CSMD1: variants seen among roughly 807,000 people sequenced by gnomAD.
CSMD1 encodes the protein CUB and sushi domain-containing protein 1.
A neutral mutation model predicts 417.5 loss-of-function variants in CSMD1; 213 were observed. The observed-to-expected ratio is 0.51, with a 90% CI of 0.46 to 0.57. The LOEUF (loss-of-function observed/expected upper bound fraction) is 0.57. CSMD1 is among the 20% of genes least tolerant of loss of function. The probability of loss-of-function intolerance (pLI) is 0.00; values close to 1 mark genes in which losing one functional copy is unlikely to be tolerated. For missense variants in CSMD1, 6,923 were observed against 4,529.7 expected (o/e 1.53, Z -15.17); for synonymous variants, 2,862 against 1,736.8 (o/e 1.65, Z -16.11).
chr8:4,301,237 A>C (rs1450330241), intron 3 of CSMD1, among the ~76,000 whole-genome samples: 1 of 152,294 alleles, frequency 6.6e-6, no homozygotes, highest in South Asian at 2.1e-4. Context: ...CAATCTCATA[A>C]TAAGCCAACA....
intron 2 of CSMD1, among the ~76,000 whole-genome samples, chr8:4,529,070 T>C (rs1433803870): frequency 6.6e-6 from 1 of 152,162 alleles, no homozygotes; most frequent in Non-Finnish European, 1.5e-5. Context: ...ATCTGAAAAG[T>C]TGATCAGAGG....
At position 4,432,218 on chromosome 8, in the gene CSMD1, T is replaced by C. The variant is rs73658889; in HGVS notation, c.303-12153A>G. ...AAGTAAAATTGGAATTTAAAAATTT[T>C]GTCAAATGGGTTATGAGAAAACAGT... On this transcript the variant is annotated intron_variant, in intron 2 of 69. Transcript: ENST00000635120. Among the ~76,000 whole-genome samples, 328 of 152,344 alleles carry C rather than the reference T, an allele frequency of 2.2e-3. 3 individuals carry two copies. The highest frequency in any genetic ancestry group is 7.7e-3 in the African/African-American group (321 of 41,576).
chr8:3,790,881 T>A (rs1351804758), intron 5 of CSMD1, among the ~76,000 whole-genome samples: 2 of 152,180 alleles, frequency 1.3e-5, no homozygotes, highest in Non-Finnish European at 2.9e-5. Context: ...AGATGGAAAC[T>A]GTCGCTAATG....
chr8:3,898,413 T>C (rs1454127897), intron 5 of CSMD1, among the ~76,000 whole-genome samples: 1 of 152,224 alleles, frequency 6.6e-6, no homozygotes, highest in Non-Finnish European at 1.5e-5. Flanking sequence ...AGTGCCATTA[T>C]AAAGTGTTAA....
chr8:3,502,533 A>G (rs1174938572), intron 10 of CSMD1, among the ~76,000 whole-genome samples: 1 of 152,180 alleles, frequency 6.6e-6, no homozygotes, highest in Non-Finnish European at 1.5e-5. Context: ...TCAGGGCTAA[A>G]AGGAAATGAG....
chr8:3,159,249 T>C (rs746806187), intron 38 of CSMD1, among the ~76,000 whole-genome samples: 2 of 152,242 alleles, frequency 1.3e-5, no homozygotes, highest in African/African-American at 2.4e-5. Context: ...TATTCTGCTA[T>C]TGATTTTGTT....
At chr8:2,940,035 A>C (rs1017046537) in intron 69 of CSMD1, among the ~76,000 whole-genome samples, 2 of 152,094 alleles carry the variant, frequency 1.3e-5, no homozygotes, top group African/African-American at 4.8e-5. Context: ...TGAGGAAGCA[A>C]CTCCCAACAT....
intron 3 of CSMD1, among the ~76,000 whole-genome samples, chr8:4,243,120 T>C (rs1402401213): frequency 6.6e-6 from 1 of 151,936 alleles, no homozygotes. Context: ...CTGTGGAAAA[T>C]CAGACAAATT....
intron 3 of CSMD1, among the ~76,000 whole-genome samples, chr8:4,127,778 A>G (rs960233851): frequency 6.6e-6 from 1 of 152,200 alleles, no homozygotes; most frequent in African/African-American, 2.4e-5. Flanking sequence ...TGTCTCATTT[A>G]ATCTTTACTC....
At chr8:4,683,799 A>G (rs1217253648) in intron 1 of CSMD1, among the ~76,000 whole-genome samples, 1 of 152,226 alleles carries the variant, frequency 6.6e-6, no homozygotes, top group African/African-American at 2.4e-5. Flanking sequence ...AGGCTACAAG[A>G]AAAAATGGCA....
intron 3 of CSMD1, among the ~76,000 whole-genome samples, chr8:4,399,479 T>C (rs1243599132): frequency 6.6e-6 from 1 of 152,222 alleles, no homozygotes; most frequent in Non-Finnish European, 1.5e-5. Context: ...CTTTTCCTCA[T>C]GTTCACGCTT....
At chr8:3,304,758 AC>A (rs1380467303) in intron 25 of CSMD1, among the ~76,000 whole-genome samples, 1 of 151,796 alleles carries the variant, frequency 6.6e-6, no homozygotes, top group Non-Finnish European at 1.5e-5. Flanking sequence ...TAAAATGTTA[AC>A]AAAGTATTAG....
chr8:3,631,886 C>G (rs549636887), intron 7 of CSMD1, among the ~76,000 whole-genome samples: 10 of 152,292 alleles, frequency 6.6e-5, no homozygotes, highest in African/African-American at 2.4e-4. Context: ...GATAACCTGA[C>G]TTTATGCAGA....
At chr8:3,219,644 C>G (rs28439245) in intron 28 of CSMD1, among the ~76,000 whole-genome samples, 40,701 of 151,940 alleles carry the variant, frequency 0.27, 5,608 homozygotes, top group East Asian at 0.3. Flanking sequence ...GTGACAAATA[C>G]TATTTGCCTA....
At chr8:3,300,658 C>A (rs1804320843) in intron 25 of CSMD1, among the ~76,000 whole-genome samples, 1 of 151,922 alleles carries the variant, frequency 6.6e-6, no homozygotes, top group Admixed American at 6.6e-5. Context: ...TTATGTACAA[C>A]ATGAAAAATT....
chr8:4,255,955 T>C (rs1217080304), intron 3 of CSMD1, among the ~76,000 whole-genome samples: 1 of 152,162 alleles, frequency 6.6e-6, no homozygotes, highest in Non-Finnish European at 1.5e-5. Flanking sequence ...TAACGTGGTG[T>C]CCAATAAAGC....
intron 50 of CSMD1, among the ~76,000 whole-genome samples, chr8:3,047,000 G>C (rs796338608): frequency 2.8e-4 from 43 of 152,136 alleles, no homozygotes; most frequent in African/African-American, 9.9e-4. Context: ...ATGAAGTCAG[G>C]AGTTTGAGAC....
At position 4,390,003 on chromosome 8, in the gene CSMD1, C is replaced by G. The variant is rs527542691; in HGVS notation, c.415+29950G>C. On this transcript the variant is annotated intron_variant, in intron 3 of 69. Transcript: ENST00000635120. ...CATTTAGGAATATTTTTTAACTTTC[C>G]TAGATATTACCAATTTGCTTTTCAC... Among the ~76,000 whole-genome samples, 3 of 152,208 alleles carry G rather than the reference C, an allele frequency of 2.0e-5. No homozygotes were observed. In the South Asian group the frequency reaches 6.2e-4, roughly 32 times the overall value.
At chr8:3,842,101 T>A (rs1040575929) in intron 5 of CSMD1, among the ~76,000 whole-genome samples, 2 of 152,212 alleles carry the variant, frequency 1.3e-5, no homozygotes, top group African/African-American at 4.8e-5. Flanking sequence ...AAAACACACA[T>A]GCCTTCATTC....
Sources: allele counts gnomAD v4.1 joint callset (sites outside exome capture counted in the v4.1 genomes callset), GRCh38; gene constraint gnomAD v4.1.1; transcripts MANE v1.5; gene names NCBI Gene and HGNC (gene_info 2026-07-23, HGNC 2026-07-21).